Variants in RYR1 observed in about 807,000 individuals in gnomAD.
RYR1 encodes central core disease of muscle.
In RYR1, 342 loss-of-function variants were observed where a neutral mutation model predicts 583.5. That is an observed-to-expected ratio of 0.59 (90% CI 0.54 to 0.64). The LOEUF (loss-of-function observed/expected upper bound fraction) is 0.64, where lower values mean the gene tolerates loss of function less well. Ranked by LOEUF, RYR1 falls within the 30% of genes least tolerant of loss-of-function variation. The pLI, the probability that RYR1 is intolerant of heterozygous loss-of-function variation, is 0.00. For synonymous variants in RYR1, 2,791 were observed against 2,822.5 expected, an observed-to-expected ratio of 0.99 and a Z score of 0.35; for missense variants, 6,032 against 6,917.2, an observed-to-expected ratio of 0.87 and a Z score of 4.54.
At chr19:38,536,861 G>T (rs768005156) in intron 83 of RYR1, 94 bp downstream of exon 83, 9 of 1,370,778 alleles carry the variant, frequency 6.6e-6, no homozygotes, top group Non-Finnish European at 9.4e-6. Flanking sequence ...GATCTGGGAC[G>T]TGGAGGGGAG....
intron 101 of RYR1, among the ~76,000 whole-genome samples, chr19:38,580,913 T>C (rs948712106): frequency 2.6e-5 from 4 of 151,438 alleles, no homozygotes; most frequent in Admixed American, 6.6e-5. Context: ...TTTTTTTTTT[T>C]TTTTGAGATG....
intron 31 of RYR1, among the ~76,000 whole-genome samples, chr19:38,481,278 T>C (rs1968996527): frequency 6.6e-6 from 1 of 151,996 alleles, no homozygotes; most frequent in Non-Finnish European, 1.5e-5. Flanking sequence ...AGACACGCAC[T>C]ACCACACCTG....
At chr19:38,579,834 C>T (rs1031662287) in intron 99 of RYR1, 148 bp from the exon 100 acceptor site, 16 of 978,624 alleles carry the variant, frequency 1.6e-5, no homozygotes, top group African/African-American at 4.8e-5. Flanking sequence ...CCTTCTCACC[C>T]GGAATGCCCT....
At chr19:38,557,218 C>G (rs928147683) in intron 89 of RYR1, among the ~76,000 whole-genome samples, 3 of 151,756 alleles carry the variant, frequency 2.0e-5, no homozygotes, top group African/African-American at 4.8e-5. Flanking sequence ...GGCGCCCAGC[C>G]TCTTAGTTTT....
intron 99 of RYR1, 64 bp downstream of exon 99, chr19:38,578,268 A>C (rs1170420932): frequency 6.5e-7 from 1 of 1,543,300 alleles, no homozygotes; most frequent in Non-Finnish European, 8.8e-7. Context: ...AGGGTTCCCA[A>C]CGTCGGGTGT....
chr19:38,575,910 T>G lies in RYR1; in HGVS notation c.14130-9T>G, dbSNP rs191894192. 1.6e-4 allele frequency: 251 copies of G among 1,614,130 alleles called. 1 individual carries two copies. In the African/African-American group the frequency reaches 3.0e-3, roughly 19 times the overall value. Reference sequence around the variant, plus strand: ...CTTATACTCACGCTTTCTCTCTCTCTCTCTGCAGGTCTTTCCCTAGCAACT... The same window carrying G: ...CTTATACTCACGCTTTCTCTCTCTCGCTCTGCAGGTCTTTCCCTAGCAACT... On this transcript the variant is annotated splice_polypyrimidine_tract_variant and intron_variant, in intron 96 of 105. Transcript: ENST00000359596.
At position 38,458,094 on chromosome 19, in the gene RYR1, C is replaced by T; in HGVS notation, c.1969C>T (p.Gln657Ter). 6.2e-7 allele frequency: 1 copy of T among 1,613,978 alleles called. No individual in the cohort carries two copies. Among genetic ancestry groups the T allele is most frequent in the Non-Finnish European group, 8.5e-7 (1 of 1,180,024 alleles). Residue 657 changes from glutamine (Q) to a stop codon, truncating the protein, a stop_gained, in exon 18 of 106, where the codon CAG becomes TAG. Coordinates refer to ENST00000359596, the MANE Select transcript of RYR1 (RefSeq NM_000540.3). LOFTEE classifies it high-confidence loss of function. ...TGTGGGCCGAGCGGAAGGCACCACG[C>T]AGTACAGCAAATGGTACTTTGAGGT... ...IFVGRAEGTT[Q>*]YSKWYFEVMV...
rs990211862 is a variant in RYR1 at position 38,565,551 on chromosome 19, A to C, written c.13217A>C (p.Glu4406Ala). ...GGGCCGGGCGGAGACGCAGACGGCG[A>C]GGGTGCCAGCGAGGGCGCTGGAGAC... ...PAGPGGDADG[E>A]GASEGAGDAA... The change falls in exon 91 of 106, where the codon GAG (glutamate) becomes GCG (alanine). Residue 4406 changes from glutamate (E) to alanine (A), a missense_variant. By Grantham distance (107) the Glu-to-Ala change is moderately radical. Around this residue, in one of 11 missense-constraint regions of RYR1, gnomAD observed 753 missense variants for 759.6 expected, o/e 0.99. Transcript: ENST00000359596. The surrounding 1 kb of genome is among the most constrained non-coding windows in gnomAD (Gnocchi z 4.7). 1 of 1,490,224 alleles carries C rather than the reference A, an allele frequency of 6.7e-7. No homozygotes were observed. Among genetic ancestry groups the C allele is most frequent in the Non-Finnish European group, 8.9e-7 (1 of 1,127,114 alleles). The allele number at this position is 1,490,224 out of a possible 1,614,324, so 92.3% of individuals were successfully genotyped here.
chr19:38,446,815 C>T, intron 9 of RYR1, 47 bp downstream of exon 9: 1 of 1,495,006 alleles, frequency 6.7e-7, no homozygotes, highest in Non-Finnish European at 9.3e-7. Context: ...CTGGGGTCAC[C>T]TGGCAGGCTG....
At position 38,516,214 on chromosome 19, in the gene RYR1, G is replaced by A. The variant is rs1434431807; in HGVS notation, c.9682G>A (p.Ala3228Thr). Residue 3228 changes from alanine (A) to threonine (T), a missense_variant, in exon 65 of 106, where the codon GCC becomes ACC. Physicochemically the swap from Ala to Thr is moderately conservative, Grantham distance 58. Transcript: ENST00000359596. ...CACCACCAAGTCTCCGCGGGAGCGG[G>A]CCAGTAAGCTGTGTGGGGCGGGAGC... is the stretch of plus-strand genomic sequence containing the variant. ...VYTTKSPRER[A>T]ILGLPNSVEE... The A allele has an allele frequency of 2.5e-6, 4 of 1,586,266 alleles. No homozygotes were observed. The highest frequency in any genetic ancestry group is 3.4e-6 in the Non-Finnish European group (4 of 1,166,204).
At position 38,578,063 on chromosome 19, in the gene RYR1, C is replaced by A. The variant is rs751673948; in HGVS notation, c.14303+15C>A. The A allele has an allele frequency of 2.4e-5, 38 of 1,614,004 alleles. No individual in the cohort carries two copies. Among genetic ancestry groups the A allele is most frequent in the Non-Finnish European group, 1.9e-5 (22 of 1,179,950 alleles). On this transcript the variant is annotated intron_variant, in intron 98 of 105. Coordinates refer to ENST00000359596, the MANE Select transcript of RYR1 (RefSeq NM_000540.3). ...CTGCTGACCTGGTGAGCCCAGGACA[C>A]CCCTGCACAGGCCTGGGGCATGCAG...
chr19:38,576,494 C>G (rs936163873), intron 97 of RYR1, among the ~76,000 whole-genome samples: 2 of 151,624 alleles, frequency 1.3e-5, no homozygotes, highest in East Asian at 3.9e-4. Context: ...AGCATAGTGC[C>G]TGGCACAGAG....
chr19:38,482,562 C>T (rs975047668), intron 31 of RYR1, among the ~76,000 whole-genome samples: 2 of 152,104 alleles, frequency 1.3e-5, no homozygotes, highest in African/African-American at 4.8e-5. Context: ...GCGATTCTCT[C>T]ATCTTAGCCT....
Position 38,572,119 on chromosome 19 carries a change from C to A in RYR1, c.13847C>A (p.Ala4616Asp), listed in dbSNP as rs59468283. 399 of 1,614,056 alleles carry A rather than the reference C, an allele frequency of 2.5e-4. 1 individual carries two copies. In the African/African-American group the frequency reaches 5.0e-3, roughly 20 times the overall value. The part of the protein sequence containing the change: ...SGGSSGWGLG[A>D]GEEAEGDEDE... ...GGCAGCTCTGGCTGGGGCTTGGGGG[C>A]CGGAGAGGAGGCAGAGGGCGATGAG... The change falls in exon 95 of 106, where the codon GCC (alanine) becomes GAC (aspartate). Residue 4616 changes from alanine to aspartate, a missense_variant. Coordinates refer to ENST00000359596, the MANE Select transcript of RYR1 (RefSeq NM_000540.3).
chr19:38,499,607 G>A lies in RYR1; in HGVS notation c.7028-28G>A, dbSNP rs1293850259. On this transcript the variant is annotated intron_variant, in intron 43 of 105. Transcript: ENST00000359596. The surrounding 1 kb of genome is among the most constrained non-coding windows in gnomAD (Gnocchi z 7.3). ...GGAGGTCTCTGATGGTGGCTCATGA[G>A]ACCCCCTTTCCCCATGCGGGTGGCC... 6.3e-7 allele frequency: 1 copy of A among 1,596,010 alleles called. No homozygotes were observed. Among genetic ancestry groups the A allele is most frequent in the Non-Finnish European group, 8.5e-7 (1 of 1,179,428 alleles).
chr19:38,492,811 G>A (rs1235795547), intron 38 of RYR1, among the ~76,000 whole-genome samples, 175 bp downstream of exon 38: 7 of 152,108 alleles, frequency 4.6e-5, no homozygotes, highest in African/African-American at 1.7e-4. Flanking sequence ...GCTCACGCCT[G>A]TAATCCCAGC....
At chr19:38,582,752 G>C (rs745852654) in intron 101 of RYR1, among the ~76,000 whole-genome samples, 2 of 152,016 alleles carry the variant, frequency 1.3e-5, no homozygotes, top group African/African-American at 4.8e-5. Flanking sequence ...AAATTGATGC[G>C]AACTTACTAG....
intron 38 of RYR1, among the ~76,000 whole-genome samples, chr19:38,494,005 T>C (rs1055289855): frequency 7.9e-5 from 12 of 151,956 alleles, no homozygotes; most frequent in African/African-American, 2.9e-4. Flanking sequence ...CTTGGGCGAA[T>C]AGAAAAAAGT....
chr19:38,550,465 A>T (rs1972617977), intron 89 of RYR1, among the ~76,000 whole-genome samples: 1 of 152,132 alleles, frequency 6.6e-6, no homozygotes, highest in Non-Finnish European at 1.5e-5. Flanking sequence ...CCTCAGTGTA[A>T]TGTATTAGGA....
Sources: allele counts gnomAD v4.1 joint callset (sites outside exome capture counted in the v4.1 genomes callset), GRCh38; gene constraint gnomAD v4.1.1; regional missense constraint gnomAD v4.1.1; non-coding constraint Gnocchi (gnomAD v3.1); transcripts MANE v1.5; gene names NCBI Gene and HGNC (gene_info 2026-07-23, HGNC 2026-07-21).